FRYL: variants seen among roughly 807,000 people sequenced by gnomAD.
The protein encoded by FRYL is protein furry homolog-like.
FRYL carries 150 observed loss-of-function variants against 351.2 expected under a neutral mutation model. The ratio of observed to expected loss-of-function variants is 0.43; its 90% CI spans 0.37 to 0.49. FRYL has a LOEUF of 0.49. Among genes scored for constraint, FRYL ranks in the 20% least tolerant of loss-of-function variants. The pLI, the probability that FRYL is intolerant of heterozygous loss-of-function variation, is 0.00. For synonymous variants in FRYL, 1,153 were observed against 1,257.1 expected (o/e 0.92, Z 1.75); for missense variants, 3,036 against 3,619.3 (o/e 0.84, Z 4.13).
At chr4:48,773,807 C>T (rs1332734318) in intron 1 of FRYL, among the ~76,000 whole-genome samples, 1 of 152,156 alleles carries the variant, frequency 6.6e-6, no homozygotes, top group African/African-American at 2.4e-5. Flanking sequence ...GTTCCAGCTA[C>T]TCACGGGGCT....
intron 1 of FRYL, among the ~76,000 whole-genome samples, chr4:48,769,653 G>T (rs552163747): frequency 2.4e-4 from 37 of 152,268 alleles, no homozygotes; most frequent in African/African-American, 8.4e-4. Flanking sequence ...TTAGTTAACA[G>T]CCAAAACCTG....
chr4:48,600,874 GT>G (rs1745555438), intron 13 of FRYL, among the ~76,000 whole-genome samples: 1 of 151,988 alleles, frequency 6.6e-6, no homozygotes, highest in Non-Finnish European at 1.5e-5. Context: ...GTTTGATTTG[GT>G]CCTGGGAATT....
intron 1 of FRYL, among the ~76,000 whole-genome samples, chr4:48,736,270 T>A (rs1043416247): frequency 6.6e-6 from 1 of 151,138 alleles, no homozygotes; most frequent in Non-Finnish European, 1.5e-5. Flanking sequence ...ATGAGAAAAA[T>A]CTAAAATCAG....
At chr4:48,569,902 T>C (rs1737876781) in intron 27 of FRYL, among the ~76,000 whole-genome samples, 3 of 152,174 alleles carry the variant, frequency 2.0e-5, no homozygotes, top group African/African-American at 7.2e-5. Flanking sequence ...AACCTCAATG[T>C]CCTGGGCTCA....
rs114225418 is a variant in FRYL, at chr4:48,726,008, C to T, written c.-383-15310G>A. On this transcript the variant is annotated intron_variant, in intron 1 of 63. Transcript: ENST00000358350. ...AAAAAAAATCACCAATCTTATGACA[C>T]GAATTGGCAAATACAGAGGACTGGT... Among the ~76,000 whole-genome samples, 249 of 152,202 alleles carry T rather than the reference C, an allele frequency of 1.6e-3. 1 individual carries two copies. The highest frequency in any genetic ancestry group is 5.6e-3 in the African/African-American group (234 of 41,540).
rs573884546 is a variant in FRYL at position 48,515,052 on chromosome 4, T to G, written c.7913A>C (p.Glu2638Ala). Reference protein sequence around the residue: ...KELDERCEEEEADFSGLSSQD... With the variant: ...KELDERCEEEAADFSGLSSQD... Reference sequence around the variant, plus strand: ...CCTAGACAGTCCGGAGAAATCCGCTTCTTCTTCTTCACATCTTTCATCTAG... The same window carrying G: ...CCTAGACAGTCCGGAGAAATCCGCTGCTTCTTCTTCACATCTTTCATCTAG... Residue 2638 changes from glutamate (E) to alanine (A), a missense_variant, in exon 56 of 64, where the codon GAA (glutamate) becomes GCA (alanine). Physicochemically the swap from Glu to Ala is moderately radical, Grantham distance 107. Transcript: ENST00000358350. The G allele has an allele frequency of 1.4e-5, 22 of 1,612,942 alleles. No individual in the cohort carries two copies. The highest frequency in any genetic ancestry group is 6.7e-5 in the East Asian group (3 of 44,856).
chr4:48,513,559 T>A lies in FRYL; in HGVS notation c.7938-871A>T, dbSNP rs140552148. Reference sequence around the variant, plus strand: ...TAAAAAAGAAATGTGTTATTCAAGGTCTTAAAATTGCATGTTTCGCATTAC... The same window carrying A: ...TAAAAAAGAAATGTGTTATTCAAGGACTTAAAATTGCATGTTTCGCATTAC... On this transcript the variant is annotated intron_variant, in intron 56 of 63. Transcript: ENST00000358350. Among the ~76,000 whole-genome samples, 41 of 152,300 alleles carry A rather than the reference T, an allele frequency of 2.7e-4. No individual in the cohort carries two copies. The East Asian group carries it at 4.8e-3, about 18-fold the overall frequency.
intron 16 of FRYL, among the ~76,000 whole-genome samples, chr4:48,592,486 G>A (rs1173880412): frequency 1.3e-5 from 2 of 151,798 alleles, no homozygotes; most frequent in Non-Finnish European, 2.9e-5. Flanking sequence ...CAGCAGAACT[G>A]ATTTTTTTTA....
chr4:48,514,144 T>C (rs1723047337), intron 56 of FRYL, among the ~76,000 whole-genome samples: 1 of 152,166 alleles, frequency 6.6e-6, no homozygotes, highest in Admixed American at 6.5e-5. Flanking sequence ...AGTATAAAGG[T>C]GTAATTTTTA....
At position 48,500,231 on chromosome 4, in the gene FRYL, T is replaced by C. The variant is rs1166518577; in HGVS notation, c.8593-11A>G. On this transcript the variant is annotated splice_polypyrimidine_tract_variant and intron_variant, in intron 62 of 63. Coordinates refer to ENST00000358350, the MANE Select transcript of FRYL (RefSeq NM_015030.2). The stretch of plus-strand genomic sequence containing the variant: ...TGACATGTTGATGACCTAAAACAAA[T>C]ACATCTTTAAGGATCTATTCGTATG... 1 of 1,539,934 alleles carries C rather than the reference T, an allele frequency of 6.5e-7. No individual in the cohort carries two copies. The highest frequency in any genetic ancestry group is 8.7e-7 in the Non-Finnish European group (1 of 1,146,678).
At chr4:48,732,632 T>C (rs1770853321) in intron 1 of FRYL, among the ~76,000 whole-genome samples, 1 of 152,060 alleles carries the variant, frequency 6.6e-6, no homozygotes. Flanking sequence ...TGCAGGGACA[T>C]GGATGAAGCT....
chr4:48,513,152 G>T (rs1722832747), intron 56 of FRYL, among the ~76,000 whole-genome samples: 2 of 152,096 alleles, frequency 1.3e-5, no homozygotes, highest in Admixed American at 6.6e-5. Context: ...AACTATATGA[G>T]GATTAGGTTC....
chr4:48,668,032 AG>A (rs1205183110), intron 3 of FRYL, among the ~76,000 whole-genome samples: 1 of 152,306 alleles, frequency 6.6e-6, no homozygotes, highest in East Asian at 1.9e-4. Context: ...GGTCTAGCTT[AG>A]GGGTTGGAAA....
rs147555902 is a variant in FRYL at position 48,746,788 on chromosome 4, T to C, written c.-384+33290A>G. Among the ~76,000 whole-genome samples the C allele has an allele frequency of 1.9e-3, 293 of 152,168 alleles. 2 individuals carry two copies. The highest frequency in any genetic ancestry group is 3.4e-3 in the Middle Eastern group (1 of 294). On this transcript the variant is annotated intron_variant, in intron 1 of 63. Transcript: ENST00000358350. ...CTACCTACTCTGAGGCCACACACCA[T>C]GTAGAGAGACCACATCAAGAGACAC...
At chr4:48,609,132 A>G (rs2354348) in intron 8 of FRYL, 65 bp from the exon 9 acceptor site, 475,731 of 956,974 alleles carry the variant, frequency 0.5, 122,993 homozygotes, top group African/African-American at 0.68. Context: ...CTTTCCTAAT[A>G]CATATGAAAA....
intron 1 of FRYL, among the ~76,000 whole-genome samples, chr4:48,738,032 A>G (rs949424788): frequency 1.3e-5 from 2 of 152,226 alleles, no homozygotes; most frequent in African/African-American, 4.8e-5. Flanking sequence ...GAGCTTTCCC[A>G]CTTAGATAAG....
chr4:48,662,817 A>G (rs2149479315), intron 3 of FRYL, among the ~76,000 whole-genome samples: 1 of 152,010 alleles, frequency 6.6e-6, no homozygotes, highest in East Asian at 1.9e-4. Context: ...AGTTAGAATG[A>G]CATCAATGAA....
In FRYL at chr4:48,567,432, G is replaced by A. The variant is rs1578153109; in HGVS notation, c.2997-12C>T. The A allele has an allele frequency of 1.9e-6, 3 of 1,570,200 alleles. No homozygotes were observed. ...GGCCACCACTTGCACTGAAAATATT[G>A]AAGAAAACAAAAGATGAAGTAAATG... is the stretch of plus-strand genomic sequence containing the variant. On this transcript the variant is annotated splice_polypyrimidine_tract_variant and intron_variant, in intron 27 of 63. Transcript: ENST00000358350. The surrounding 1 kb of genome is among the most constrained non-coding windows in gnomAD (Gnocchi z 4.2).
chr4:48,728,254 A>G (rs1238796635), intron 1 of FRYL, among the ~76,000 whole-genome samples: 4 of 152,326 alleles, frequency 2.6e-5, no homozygotes, highest in African/African-American at 9.6e-5. Context: ...TCAATAAAGC[A>G]GATGACATAG....
Sources: gnomAD v4.1 joint callset for allele counts (sites outside exome capture counted in the v4.1 genomes callset) on GRCh38, gnomAD v4.1.1 for gene constraint, Gnocchi (gnomAD v3.1) non-coding constraint, MANE v1.5 for transcripts, NCBI Gene and HGNC (gene_info 2026-07-23, HGNC 2026-07-21) for gene names.